Variants in XPNPEP3 observed in about 807,000 individuals in gnomAD.
The protein encoded by XPNPEP3 is X-prolyl aminopeptidase 3, also known as xaa-Pro aminopeptidase 3.
A neutral mutation model predicts 60.0 loss-of-function variants in XPNPEP3; 41 were observed. That is an observed-to-expected ratio of 0.68 (90% CI 0.53 to 0.89). XPNPEP3 has a LOEUF of 0.89. Ranked by LOEUF, XPNPEP3 falls within the 40% of genes least tolerant of loss-of-function variation. The pLI, the probability that XPNPEP3 is intolerant of heterozygous loss-of-function variation, is 0.00. For missense variants in XPNPEP3, 598 were observed against 638.9 expected, an observed-to-expected ratio of 0.94 and a Z score of 0.69; for synonymous variants, 212 against 223.2, an observed-to-expected ratio of 0.95 and a Z score of 0.45.
chr22:40,914,420 G>C, intron 7 of XPNPEP3, 96 bp downstream of exon 7: 1 of 1,067,172 alleles, frequency 9.4e-7, no homozygotes, highest in Non-Finnish European at 1.4e-6. Flanking sequence ...AAATACTATA[G>C]GTCCATTCCT....
At chr22:40,872,492 C>G (rs1398381423) in intron 2 of XPNPEP3, among the ~76,000 whole-genome samples, 1 of 151,942 alleles carries the variant, frequency 6.6e-6, no homozygotes, top group African/African-American at 2.4e-5. Flanking sequence ...CTCTTGTCGC[C>G]CAGGCTGGAG....
chr22:40,872,586 G>A (rs2058010614), intron 2 of XPNPEP3, among the ~76,000 whole-genome samples: 1 of 152,054 alleles, frequency 6.6e-6, no homozygotes, highest in South Asian at 2.1e-4. Context: ...AAGTAGCTGG[G>A]ATTACAGGCG....
intron 8 of XPNPEP3, among the ~76,000 whole-genome samples, chr22:40,923,730 T>C (rs2058224779): frequency 1.3e-5 from 2 of 152,104 alleles, no homozygotes; most frequent in Admixed American, 1.3e-4. Context: ...TACATGACTA[T>C]AATCCCGGCT....
chr22:40,921,763 G>T lies in XPNPEP3; in HGVS notation c.1056-570G>T, dbSNP rs138421835. 1.3e-3 allele frequency among the ~76,000 whole-genome samples: 204 copies of T among 152,064 alleles called. 1 individual carries two copies. The highest frequency in any genetic ancestry group is 2.3e-3 in the Non-Finnish European group (157 of 67,994). ...TATGAGCATCTTTAAGGCCTTTGAT[G>T]TAATTGGCTGTATTAATTTATACTC... On this transcript the variant is annotated intron_variant, in intron 7 of 9. Transcript: ENST00000357137.
At chr22:40,905,200 C>G (rs1399912782) in intron 4 of XPNPEP3, among the ~76,000 whole-genome samples, 1 of 152,042 alleles carries the variant, frequency 6.6e-6, no homozygotes, top group African/African-American at 2.4e-5. Flanking sequence ...CTGCCTCAGC[C>G]TCCCGAGTAA....
At chr22:40,922,291 C>T (rs1250714842) in intron 7 of XPNPEP3, 42 bp from the exon 8 acceptor site, 3 of 1,610,694 alleles carry the variant, frequency 1.9e-6, no homozygotes, top group Middle Eastern at 1.7e-4. Context: ...CTTAGAATAT[C>T]AGATTATCTA....
Position 40,932,434 on chromosome 22 carries a change from C to A in XPNPEP3, c.*5999C>A, listed in dbSNP as rs554357484. ...TATAATTTGAGGTGTTTTTTATGCT[C>A]CTAATGAAAAGATGAATGAATGCAT... On this transcript the variant is annotated 3_prime_UTR_variant, in exon 10 of 10. Transcript: ENST00000357137. 6.6e-6 allele frequency: 1 copy of A among 151,570 alleles called. No homozygotes were observed. Among genetic ancestry groups the A allele is most frequent in the African/African-American group, 2.4e-5 (1 of 41,242 alleles). The allele number at this position is 151,570 out of a possible 1,614,324, so 9.4% of individuals were successfully genotyped here. A position where few individuals can be genotyped will look rare whatever the true frequency, so the allele number is the denominator to read the frequency against.
intron 7 of XPNPEP3, among the ~76,000 whole-genome samples, chr22:40,920,931 T>TA: frequency 6.6e-6 from 1 of 152,304 alleles, no homozygotes; most frequent in Middle Eastern, 3.4e-3. Flanking sequence ...TAGCTGGAAT[T>TA]ACAGACATGC....
intron 2 of XPNPEP3, among the ~76,000 whole-genome samples, chr22:40,879,981 C>T (rs945452630): frequency 8.1e-5 from 12 of 147,542 alleles, no homozygotes; most frequent in Non-Finnish European, 1.2e-4. Flanking sequence ...GGGCCAGGAT[C>T]GTGCCACTGC....
At chr22:40,880,196 G>T (rs998429920) in intron 2 of XPNPEP3, among the ~76,000 whole-genome samples, 16 of 151,912 alleles carry the variant, frequency 1.1e-4, no homozygotes, top group African/African-American at 3.1e-4. Flanking sequence ...TAAGTACAAA[G>T]ATATTTATTA....
intron 4 of XPNPEP3, among the ~76,000 whole-genome samples, chr22:40,893,261 A>G (rs888963270): frequency 1.3e-5 from 2 of 150,786 alleles, no homozygotes; most frequent in Admixed American, 1.3e-4. Flanking sequence ...TAATCCCAGC[A>G]CTTTGGGAGG....
chr22:40,890,619 C>T (rs1395178788), intron 4 of XPNPEP3, among the ~76,000 whole-genome samples: 1 of 152,100 alleles, frequency 6.6e-6, no homozygotes, highest in Non-Finnish European at 1.5e-5. Flanking sequence ...ATAATCCCAA[C>T]ACTTTGGGAG....
At chr22:40,907,347 G>A (rs568896014) in intron 4 of XPNPEP3, among the ~76,000 whole-genome samples, 6 of 152,244 alleles carry the variant, frequency 3.9e-5, no homozygotes, top group Middle Eastern at 6.8e-3. Context: ...CGTGAACCCA[G>A]GAGGCAGAGC....
chr22:40,882,051 C>T lies in XPNPEP3; in HGVS notation c.463C>T (p.Arg155Trp), dbSNP rs140990185. Residue 155 changes from arginine (R) to tryptophan (W), a missense_variant, in exon 3 of 10, where the codon CGG becomes TGG. Arg to Trp is a moderately radical substitution (Grantham distance 101). Coordinates refer to ENST00000357137, the MANE Select transcript of XPNPEP3 (RefSeq NM_022098.4). ...PSHKAILFVP[R>W]RDPSRELWDG... ...ACACAAAGCCATACTTTTTGTGCCT[C>T]GGCGAGATCCCAGTCGAGAACTTTG... 5.1e-5 allele frequency: 83 copies of T among 1,613,978 alleles called. No individual in the cohort carries two copies. Among genetic ancestry groups the T allele is most frequent in the South Asian group, 2.4e-4 (22 of 91,072 alleles).
At chr22:40,904,437 C>A (rs2058146751) in intron 4 of XPNPEP3, among the ~76,000 whole-genome samples, 1 of 152,146 alleles carries the variant, frequency 6.6e-6, no homozygotes, top group Non-Finnish European at 1.5e-5. Flanking sequence ...ACTCAGGAGG[C>A]TGAAGCAGAA....
intron 4 of XPNPEP3, among the ~76,000 whole-genome samples, chr22:40,904,235 A>T (rs1022112571): frequency 6.6e-6 from 1 of 152,192 alleles, no homozygotes; most frequent in Admixed American, 6.6e-5. Context: ...ACTGCATATC[A>T]TGTGTACCTG....
At chr22:40,861,482 G>C in intron 1 of XPNPEP3, 1 of 1,614,164 alleles carries the variant, frequency 6.2e-7, no homozygotes, top group Non-Finnish European at 8.5e-7. Context: ...CCAGGGAAGA[G>C]AAAGAAGTAA....
At position 40,857,244 on chromosome 22, in the gene XPNPEP3, A is replaced by C; in HGVS notation, c.63A>C (p.Ser21=). 1 of 1,614,114 alleles carries C rather than the reference A, an allele frequency of 6.2e-7. No individual in the cohort carries two copies. Among genetic ancestry groups the C allele is most frequent in the Non-Finnish European group, 8.5e-7 (1 of 1,179,998 alleles). The change falls in exon 1 of 10, where the codon TCA becomes TCC. Residue 21 remains serine (S), a splice_region_variant and synonymous_variant. Coordinates refer to ENST00000357137, the MANE Select transcript of XPNPEP3 (RefSeq NM_022098.4). ...VPAVANVRGL[S]GCMLCSQRRY... Reference sequence around the variant, plus strand: ...CTGTAGCAAACGTCCGCGGCCTCTCAGGTTAGACTCTTCTCCCACGGTCTC... The same window carrying C: ...CTGTAGCAAACGTCCGCGGCCTCTCCGGTTAGACTCTTCTCCCACGGTCTC...
chr22:40,880,833 A>G (rs2058044767), intron 2 of XPNPEP3, among the ~76,000 whole-genome samples: 1 of 151,634 alleles, frequency 6.6e-6, no homozygotes, highest in Non-Finnish European at 1.5e-5. Context: ...AAGGCCCTAT[A>G]TTGTATAGTT....
Sources: allele counts gnomAD v4.1 joint callset (sites outside exome capture counted in the v4.1 genomes callset), GRCh38; gene constraint gnomAD v4.1.1; transcripts MANE v1.5; gene names NCBI Gene and HGNC (gene_info 2026-07-23, HGNC 2026-07-21).